The following IGF1 variants were observed in gnomAD, a reference collection of about 807,000 sequenced individuals.
IGF1 encodes the protein insulin like growth factor 1, also known as insulin-like growth factor 1.
A neutral mutation model predicts 13.8 loss-of-function variants in IGF1; 4 were observed. The observed-to-expected ratio is 0.29, with a 90% confidence interval of 0.14 to 0.66. The LOEUF is 0.66. Among genes scored for constraint, IGF1 ranks in the 30% least tolerant of loss-of-function variants. IGF1 has a pLI of 0.78. For missense variants in IGF1, 124 were observed against 188.5 expected, an observed-to-expected ratio of 0.66 and a Z score of 2.00; for synonymous variants, 76 against 72.6, an observed-to-expected ratio of 1.05 and a Z score of -0.23.
At chr12:102,419,467 A>G (rs754923416) in intron 3 of IGF1, 42 bp downstream of exon 3, 1 of 1,594,106 alleles carries the variant, frequency 6.3e-7, no homozygotes, top group Non-Finnish European at 8.6e-7. Flanking sequence ...CACAAGAGAG[A>G]GACCACTTGA....
Position 102,400,433 on chromosome 12 carries a change from A to G in IGF1, c.*2074T>C, listed in dbSNP as rs2136934644. ...TTGATACCAATTTTCAGTTGAATGG[A>G]TAAAACACATTCACAGAGAGCTAGG... On this transcript the variant is annotated 3_prime_UTR_variant, in exon 4 of 4. Coordinates refer to ENST00000337514, the MANE Select transcript of IGF1 (RefSeq NM_000618.5). 6.6e-6 allele frequency: 1 copy of G among 152,272 alleles called. No individual in the cohort carries two copies. The allele number at this position is 152,272 out of a possible 1,614,324, so 9.4% of individuals were successfully genotyped here. A position where few individuals can be genotyped will look rare whatever the true frequency, so the allele number is the denominator to read the frequency against.
chr12:102,416,094 G>T (rs1167574949), intron 3 of IGF1, among the ~76,000 whole-genome samples: 1 of 152,216 alleles, frequency 6.6e-6, no homozygotes, highest in African/African-American at 2.4e-5. Context: ...TGATCCTGGA[G>T]TAAAAAGCAT....
At chr12:102,429,406 T>G (rs1713440755) in intron 2 of IGF1, among the ~76,000 whole-genome samples, 1 of 152,230 alleles carries the variant, frequency 6.6e-6, no homozygotes, top group Admixed American at 6.5e-5. Flanking sequence ...AGAGGTTTCT[T>G]AGTAATCTTC....
intron 3 of IGF1, among the ~76,000 whole-genome samples, chr12:102,408,969 C>T (rs993141685): frequency 6.6e-6 from 1 of 152,288 alleles, no homozygotes; most frequent in Non-Finnish European, 1.5e-5. Flanking sequence ...AACACCTTCT[C>T]ATCTTCTGTT....
intron 2 of IGF1, among the ~76,000 whole-genome samples, chr12:102,441,011 A>G (rs1474025870): frequency 1.3e-5 from 2 of 152,222 alleles, no homozygotes; most frequent in Non-Finnish European, 2.9e-5. Flanking sequence ...TTACAAATTT[A>G]ATATTGTGTT....
intron 2 of IGF1, among the ~76,000 whole-genome samples, chr12:102,448,615 A>G (rs1254713353): frequency 6.7e-6 from 1 of 148,910 alleles, no homozygotes; most frequent in African/African-American, 2.5e-5. Flanking sequence ...GGTGCAGCGT[A>G]CCAGCATGGC....
Position 102,472,268 on chromosome 12 carries a change from G to A in IGF1, c.220+3375C>T, listed in dbSNP as rs570969957. ...ACTGTTCCATTTATGATGGGATAAT[G>A]TTCACAAACAGATAATCTAGAAGGT... is the stretch of plus-strand genomic sequence containing the variant. On this transcript the variant is annotated intron_variant, in intron 2 of 3. Transcript: ENST00000337514. Among the ~76,000 whole-genome samples the A allele has an allele frequency of 4.6e-5, 7 of 152,218 alleles. No individual in the cohort carries two copies. In the South Asian group the frequency reaches 1.5e-3, roughly 32 times the overall value.
rs780619080 is a variant in IGF1, at chr12:102,402,568, TATAA to T, written c.403-6_403-3del. The T allele has an allele frequency of 1.3e-6, 1 of 780,644 alleles. No individual in the cohort carries two copies. Among genetic ancestry groups the T allele is most frequent in the Non-Finnish European group, 2.4e-6 (1 of 417,902 alleles). The allele number at this position is 780,644 out of a possible 1,614,324, so 48.4% of individuals were successfully genotyped here. On this transcript the variant is annotated splice_polypyrimidine_tract_variant and splice_region_variant and intron_variant, in intron 3 of 3. Transcript: ENST00000337514. ...ACTTGCGTTCTTCAAATGTACTTCC[TATAA>T]ATAAAGGAGAAAAAGTGACATTAAC...
chr12:102,461,090 G>C (rs148417076), intron 2 of IGF1, among the ~76,000 whole-genome samples: 1 of 152,284 alleles, frequency 6.6e-6, no homozygotes, highest in Admixed American at 6.5e-5. Flanking sequence ...GTAGAGTTCT[G>C]AGTAAATCCA....
intron 2 of IGF1, among the ~76,000 whole-genome samples, chr12:102,461,928 G>A (rs1019363215): frequency 6.6e-6 from 1 of 152,152 alleles, no homozygotes; most frequent in African/African-American, 2.4e-5. Context: ...TGTGAGCCAC[G>A]AATTAGCAAG....
At chr12:102,480,241 A>G in intron 1 of IGF1, 78 bp downstream of exon 1, 5 of 1,362,728 alleles carry the variant, frequency 3.7e-6, no homozygotes, top group Non-Finnish European at 5.2e-6. Context: ...TAAAGTGAAG[A>G]ACAGTTCTAG....
intron 2 of IGF1, among the ~76,000 whole-genome samples, chr12:102,453,439 G>A (rs1348845197): frequency 6.6e-6 from 1 of 152,168 alleles, no homozygotes; most frequent in Non-Finnish European, 1.5e-5. Context: ...AATGTTAATT[G>A]AGCACTTTCT....
chr12:102,419,446 C>G, intron 3 of IGF1, 63 bp downstream of exon 3: 1 of 1,523,822 alleles, frequency 6.6e-7, no homozygotes, highest in Non-Finnish European at 9.0e-7. Context: ...TCTGCTTGGC[C>G]CACCCACATG....
intron 3 of IGF1, among the ~76,000 whole-genome samples, chr12:102,411,725 C>A (rs1247277088): frequency 6.6e-6 from 1 of 152,170 alleles, no homozygotes. Flanking sequence ...CCCAGGAGGA[C>A]AAGGTAACCC....
At chr12:102,418,052 G>C (rs779852490) in intron 3 of IGF1, 2 of 1,589,228 alleles carry the variant, frequency 1.3e-6, no homozygotes, top group East Asian at 2.2e-5. Flanking sequence ...GGTTCCCATG[G>C]TGTCCCTTTG....
chr12:102,403,050 A>G (rs1354114702), intron 3 of IGF1, among the ~76,000 whole-genome samples: 1 of 152,188 alleles, frequency 6.6e-6, no homozygotes, highest in Non-Finnish European at 1.5e-5. Flanking sequence ...GCAGAGTTTC[A>G]GAAATCGAAG....
chr12:102,452,256 C>T (rs1300375372), intron 2 of IGF1, among the ~76,000 whole-genome samples: 7 of 78,058 alleles, frequency 9.0e-5, no homozygotes, highest in Non-Finnish European at 1.7e-4. Context: ...AGCGAGACTC[C>T]GTCTCAAAAA....
intron 2 of IGF1, among the ~76,000 whole-genome samples, chr12:102,458,461 A>T (rs1339714132): frequency 1.3e-5 from 2 of 152,114 alleles, no homozygotes; most frequent in African/African-American, 4.8e-5. Flanking sequence ...TAGATACAGC[A>T]CTTCTCACTC....
chr12:102,415,543 T>TTTTCTTCC (rs1875018160), intron 3 of IGF1, among the ~76,000 whole-genome samples: 1 of 81,722 alleles, frequency 1.2e-5, no homozygotes, highest in African/African-American at 5.2e-5. Flanking sequence ...CTTCCTTCCC[T>TTTTCTTCC]TTCCTTCCTT....
Sources: allele counts gnomAD v4.1 joint callset (sites outside exome capture counted in the v4.1 genomes callset), GRCh38; gene constraint gnomAD v4.1.1; transcripts MANE v1.5; gene names NCBI Gene and HGNC (gene_info 2026-07-23, HGNC 2026-07-21).